The following ING3 variants were observed in gnomAD, a reference collection of about 807,000 sequenced individuals.
The protein encoded by ING3 is inhibitor of growth protein 3.
A neutral mutation model predicts 64.8 loss-of-function variants in ING3; 6 were observed. The observed-to-expected ratio is 0.09, with a 90% CI of 0.05 to 0.18. The LOEUF is 0.18. Ranked by LOEUF, ING3 falls within the 10% of genes least tolerant of loss-of-function variation. The pLI is 1.00. For missense variants in ING3, 310 were observed against 489.7 expected (o/e 0.63, Z 3.46); for synonymous variants, 170 against 173.7 (o/e 0.98, Z 0.17).
intron 5 of ING3, among the ~76,000 whole-genome samples, chr7:120,966,273 C>G (rs1256071024): frequency 6.6e-6 from 1 of 152,146 alleles, no homozygotes; most frequent in Non-Finnish European, 1.5e-5. Context: ...GTCTTCAACT[C>G]AGTAAAACTA....
Position 120,975,630 on chromosome 7 carries a change from G to A in ING3, c.*786G>A, listed in dbSNP as rs1350877632. On this transcript the variant is annotated 3_prime_UTR_variant, in exon 12 of 12. Transcript: ENST00000315870. ...ATCCTTAAAATTGCAATTGTATTAG[G>A]TGTTAAAATAAAGTTTTTAAAAAAT... is the stretch of plus-strand genomic sequence containing the variant. 6.6e-6 allele frequency: 1 copy of A among 151,938 alleles called. No homozygotes were observed. Among genetic ancestry groups the A allele is most frequent in the Non-Finnish European group, 1.5e-5 (1 of 67,966 alleles). The allele number at this position is 151,938 out of a possible 1,614,324, so 9.4% of individuals were successfully genotyped here. A position where few individuals can be genotyped will look rare whatever the true frequency, so the allele number is the denominator to read the frequency against.
chr7:120,969,502 T>C (rs2116686060), intron 9 of ING3, among the ~76,000 whole-genome samples: 1 of 152,316 alleles, frequency 6.6e-6, no homozygotes, highest in East Asian at 1.9e-4. Flanking sequence ...CTGCTTTTCA[T>C]TTATTACCCT....
At position 120,964,829 on chromosome 7, in the gene ING3, T is replaced by C. The variant is rs766856119; in HGVS notation, c.355T>C (p.Leu119=). Residue 119 remains leucine, a synonymous_variant, in exon 5 of 12, where the codon TTA becomes CTA. Coordinates refer to ENST00000315870, the MANE Select transcript of ING3 (RefSeq NM_019071.3). ...EADNAGITEI[L]ERRSLELDTP... ...TGATAATGCTGGAATTACAGAAATA[T>C]TAGAGAGGCGTAAGTAAAATTTACA... is the stretch of plus-strand genomic sequence containing the variant. 1.2e-6 allele frequency: 2 copies of C among 1,611,834 alleles called. No individual in the cohort carries two copies. The highest frequency in any genetic ancestry group is 8.5e-7 in the Non-Finnish European group (1 of 1,178,354).
At position 120,967,471 on chromosome 7, in the gene ING3, T is replaced by C. The variant is rs1056622046; in HGVS notation, c.437-58T>C. Reference sequence around the variant, plus strand: ...ACATTTTAACTGGATATAAGTATTATGCCTTGTCCATAGTTCTCTAAAGTT... The same window carrying C: ...ACATTTTAACTGGATATAAGTATTACGCCTTGTCCATAGTTCTCTAAAGTT... On this transcript the variant is annotated intron_variant, in intron 6 of 11. Transcript: ENST00000315870. 3 of 1,276,328 alleles carry C rather than the reference T, an allele frequency of 2.4e-6. No individual in the cohort carries two copies. In the South Asian group the frequency reaches 4.6e-5, roughly 20 times the overall value. 79.1% of individuals were successfully genotyped at this position (1,276,328 alleles called of 1,614,324 possible).
chr7:120,967,888 T>G (rs781267196), intron 7 of ING3, 46 bp from the exon 8 acceptor site: 1 of 1,591,604 alleles, frequency 6.3e-7, no homozygotes, highest in Non-Finnish European at 8.6e-7. Flanking sequence ...CTCACTAACA[T>G]TATGTTCTCT....
chr7:120,960,504 A>G (rs1220886749), intron 4 of ING3, among the ~76,000 whole-genome samples: 1 of 152,206 alleles, frequency 6.6e-6, no homozygotes, highest in East Asian at 1.9e-4. Flanking sequence ...ATAGTATGCA[A>G]TTATGTTTGA....
Position 120,965,198 on chromosome 7 carries a change from G to A in ING3, c.364+360G>A, listed in dbSNP as rs1012021426. Among the ~76,000 whole-genome samples the A allele has an allele frequency of 2.0e-5, 3 of 152,118 alleles. No individual in the cohort carries two copies. The South Asian group carries it at 6.2e-4, about 32-fold the overall frequency. On this transcript the variant is annotated intron_variant, in intron 5 of 11. Coordinates refer to ENST00000315870, the MANE Select transcript of ING3 (RefSeq NM_019071.3). ...GCCTCTTTATACACTTAAGCTTTGAGGAAAGTTGTTAGTTTCTCTTCTTAA... is the reference window on the plus strand; with the variant it reads ...GCCTCTTTATACACTTAAGCTTTGAAGAAAGTTGTTAGTTTCTCTTCTTAA...
intron 11 of ING3, among the ~76,000 whole-genome samples, chr7:120,974,063 A>G (rs1056186098): frequency 2.0e-5 from 3 of 152,256 alleles, no homozygotes; most frequent in East Asian, 3.9e-4. Context: ...TGCAAAAACA[A>G]TATTGCCCAA....
At chr7:120,974,149 G>A (rs1796105799) in intron 11 of ING3, among the ~76,000 whole-genome samples, 1 of 152,140 alleles carries the variant, frequency 6.6e-6, no homozygotes, top group Non-Finnish European at 1.5e-5. Context: ...ATGAGTACCA[G>A]CATCATGCTT....
chr7:120,963,521 A>G (rs191217316), intron 4 of ING3, among the ~76,000 whole-genome samples: 2 of 152,140 alleles, frequency 1.3e-5, no homozygotes, highest in Admixed American at 6.5e-5. Context: ...AGAATTTGTT[A>G]CAAATAAAGT....
intron 7 of ING3, 50 bp from the exon 8 acceptor site, chr7:120,967,880 CACTA>C (rs2116682308): frequency 6.5e-7 from 1 of 1,548,040 alleles, no homozygotes; most frequent in African/African-American, 1.4e-5. Context: ...AATTTAGACT[CACTA>C]ACATTATGTT....
intron 4 of ING3, among the ~76,000 whole-genome samples, chr7:120,963,002 T>C (rs576832084): frequency 1.6e-4 from 25 of 152,262 alleles, no homozygotes; most frequent in African/African-American, 5.8e-4. Context: ...ACGTAATAGC[T>C]CAATATTTAT....
chr7:120,968,113 G>C (rs1796019989), intron 8 of ING3, 22 bp downstream of exon 8: 1 of 1,599,110 alleles, frequency 6.3e-7, no homozygotes, highest in Non-Finnish European at 8.5e-7. Context: ...AGGGTTTAGA[G>C]ACAAAATGTT....
chr7:120,973,268 G>T, intron 11 of ING3, 25 bp downstream of exon 11: 1 of 1,454,520 alleles, frequency 6.9e-7, no homozygotes, highest in Non-Finnish European at 9.6e-7. Context: ...TTTCTATTTA[G>T]GAATGAAAAA....
intron 4 of ING3, among the ~76,000 whole-genome samples, chr7:120,960,573 T>C (rs1157397249): frequency 6.6e-6 from 1 of 152,236 alleles, no homozygotes; most frequent in Non-Finnish European, 1.5e-5. Context: ...CATTGAAATA[T>C]TTTATTTACT....
chr7:120,955,783 T>A (rs1795837457), intron 4 of ING3, 159 bp downstream of exon 4: 1 of 616,494 alleles, frequency 1.6e-6, no homozygotes, highest in South Asian at 2.1e-5. Context: ...ATTTTATGGT[T>A]TCTTTGTGGA....
chr7:120,957,236 G>T (rs1002853786), intron 4 of ING3, among the ~76,000 whole-genome samples: 1 of 152,152 alleles, frequency 6.6e-6, no homozygotes, highest in Middle Eastern at 3.2e-3. Context: ...GCCGGGCCTG[G>T]TGGCGGGTGC....
chr7:120,959,315 G>T (rs1348398656), intron 4 of ING3, among the ~76,000 whole-genome samples: 1 of 152,126 alleles, frequency 6.6e-6, no homozygotes, highest in Non-Finnish European at 1.5e-5. Context: ...CCCAACCTTT[G>T]CACACCACCC....
At chr7:120,952,760 CTT>C (rs778550827) in intron 2 of ING3, among the ~76,000 whole-genome samples, 2 of 144,104 alleles carry the variant, frequency 1.4e-5, no homozygotes, top group Admixed American at 6.9e-5. Context: ...TTAATTTTTC[CTT>C]TTTTTTTTTA....
Sources: allele counts gnomAD v4.1 joint callset (sites outside exome capture counted in the v4.1 genomes callset), GRCh38; gene constraint gnomAD v4.1.1; transcripts MANE v1.5; gene names NCBI Gene and HGNC (gene_info 2026-07-23, HGNC 2026-07-21).